The following GALNT17 variants were observed in gnomAD, a reference collection of about 807,000 sequenced individuals.
The protein encoded by GALNT17 is UDP-GalNAc:polypeptide N-acetylgalactosaminyltransferase-like 3.
A neutral mutation model predicts 63.7 loss-of-function variants in GALNT17; 29 were observed. The observed-to-expected ratio is 0.46, with a 90% CI of 0.34 to 0.62. The LOEUF (loss-of-function observed/expected upper bound fraction) is 0.62, where lower values mean the gene tolerates loss of function less well. Among genes scored for constraint, GALNT17 ranks in the 20% least tolerant of loss-of-function variants. GALNT17 has a pLI of 0.01. For missense variants in GALNT17, 603 were observed against 799.6 expected (o/e 0.75, Z 2.97); for synonymous variants, 305 against 318.3 (o/e 0.96, Z 0.45).
intron 1 of GALNT17, among the ~76,000 whole-genome samples, chr7:71,134,201 G>A (rs1787740141): frequency 6.6e-6 from 1 of 152,170 alleles, no homozygotes; most frequent in African/African-American, 2.4e-5. Flanking sequence ...ATAGAGTCTG[G>A]AGTCAGAACC....
At chr7:71,403,595 G>A (rs192516217) in intron 3 of GALNT17, among the ~76,000 whole-genome samples, 11 of 152,330 alleles carry the variant, frequency 7.2e-5, no homozygotes, top group African/African-American at 2.4e-4. Flanking sequence ...GACATTTCCT[G>A]TAAGCAGGCA....
chr7:71,207,285 C>T (rs1789290341), intron 1 of GALNT17, among the ~76,000 whole-genome samples: 1 of 152,152 alleles, frequency 6.6e-6, no homozygotes, highest in East Asian at 1.9e-4. Flanking sequence ...TCATCTTTGA[C>T]TTGTAAGTTT....
At chr7:71,674,491 G>A (rs1206669839) in intron 8 of GALNT17, among the ~76,000 whole-genome samples, 1 of 151,468 alleles carries the variant, frequency 6.6e-6, no homozygotes, top group Non-Finnish European at 1.5e-5. Flanking sequence ...TACCACAGGT[G>A]TGAGCCACTG....
At chr7:71,450,590 C>T (rs1409903864) in intron 5 of GALNT17, among the ~76,000 whole-genome samples, 1 of 152,178 alleles carries the variant, frequency 6.6e-6, no homozygotes, top group South Asian at 2.1e-4. Context: ...GTTTTTAGTA[C>T]GTTCACAGAG....
intron 1 of GALNT17, among the ~76,000 whole-genome samples, chr7:71,294,348 C>A (rs962080233): frequency 1.3e-5 from 2 of 150,116 alleles, no homozygotes; most frequent in African/African-American, 4.9e-5. Context: ...TTTTTGCTCT[C>A]TCTTCTTTCT....
At chr7:71,628,511 C>T (rs575763610) in intron 6 of GALNT17, among the ~76,000 whole-genome samples, 7 of 151,894 alleles carry the variant, frequency 4.6e-5, no homozygotes, top group African/African-American at 9.7e-5. Context: ...TTAGTAGAGA[C>T]GGGGTTTCAC....
chr7:71,569,311 G>A (rs1028372787), intron 5 of GALNT17, among the ~76,000 whole-genome samples: 2 of 152,028 alleles, frequency 1.3e-5, no homozygotes, highest in Non-Finnish European at 2.9e-5. Flanking sequence ...AGAGGTACAC[G>A]TGCAGATTTG....
At chr7:71,297,559 G>A (rs1275811130) in intron 1 of GALNT17, among the ~76,000 whole-genome samples, 2 of 119,632 alleles carry the variant, frequency 1.7e-5, no homozygotes, top group African/African-American at 2.7e-5. Flanking sequence ...GGCCCAGGAG[G>A]CAGAGGTTGC....
chr7:71,608,471 GAA>G (rs1412180098), intron 6 of GALNT17, among the ~76,000 whole-genome samples: 2 of 152,094 alleles, frequency 1.3e-5, no homozygotes, highest in African/African-American at 4.8e-5. Flanking sequence ...AAAATAAAAT[GAA>G]AAGTGTTACA....
At chr7:71,247,581 C>CGAGCAGG in intron 1 of GALNT17, among the ~76,000 whole-genome samples, 1 of 152,162 alleles carries the variant, frequency 6.6e-6, no homozygotes, top group Admixed American at 6.5e-5. Flanking sequence ...CTCAGCCTCC[C>CGAGCAGG]GAGCAGCTGG....
Position 71,710,799 on chromosome 7 carries a change from T to G in GALNT17, c.1539T>G (p.Gly513=). The change falls in exon 10 of 11, where the codon GGT becomes GGG. Residue 513 remains glycine (G), a synonymous_variant. Transcript: ENST00000333538. ...CCAAGGAAGGCTTCCTGCACTTGGG[T>G]GCCCTGGGGACCACCACACTCCTCC... is the stretch of plus-strand genomic sequence containing the variant. ...RYTKEGFLHL[G]ALGTTTLLPD... is the part of the protein sequence containing the mutation. 1.2e-6 allele frequency: 2 copies of G among 1,613,282 alleles called. No individual in the cohort carries two copies. Among genetic ancestry groups the G allele is most frequent in the Non-Finnish European group, 1.7e-6 (2 of 1,179,966 alleles).
chr7:71,695,201 T>G (rs1024246245), intron 9 of GALNT17, among the ~76,000 whole-genome samples: 55 of 152,150 alleles, frequency 3.6e-4, no homozygotes, highest in African/African-American at 1.3e-3. Flanking sequence ...AGGCCCCAGG[T>G]CTCTCCACAG....
chr7:71,394,445 G>A (rs1173172652), intron 3 of GALNT17, among the ~76,000 whole-genome samples: 1 of 152,092 alleles, frequency 6.6e-6, no homozygotes, highest in Admixed American at 6.6e-5. Context: ...TCTTAAACTG[G>A]GATCACTTGT....
intron 2 of GALNT17, among the ~76,000 whole-genome samples, chr7:71,369,374 T>C (rs1471205691): frequency 6.6e-6 from 1 of 152,220 alleles, no homozygotes; most frequent in Non-Finnish European, 1.5e-5. Flanking sequence ...TCCTGCCTCA[T>C]GTATCCACTA....
chr7:71,484,797 A>ATTTTTTT (rs386410414), intron 5 of GALNT17, among the ~76,000 whole-genome samples: 11 of 107,346 alleles, frequency 1.0e-4, no homozygotes, highest in Non-Finnish European at 1.4e-4. Flanking sequence ...CAGCATCAGG[A>ATTTTTTT]TTTTTTTTTT....
intron 6 of GALNT17, among the ~76,000 whole-genome samples, chr7:71,586,530 A>T (rs563775257): frequency 6.6e-6 from 1 of 152,306 alleles, no homozygotes; most frequent in South Asian, 2.1e-4. Context: ...GTAGATACCT[A>T]GGATTTGAAT....
At position 71,414,646 on chromosome 7, in the gene GALNT17, A is replaced by G. The variant is rs113504364; in HGVS notation, c.590-1243A>G. Among the ~76,000 whole-genome samples, 760 of 152,326 alleles carry G rather than the reference A, an allele frequency of 5.0e-3. 6 individuals carry two copies. The highest frequency in any genetic ancestry group is 0.017 in the African/African-American group (712 of 41,578). On this transcript the variant is annotated intron_variant, in intron 3 of 10. Transcript: ENST00000333538. ...GTGAGTGATGTAGCCAGGAGCTGAC[A>G]TCCTGTTCCTGGGAAGAGCCACGAC...
intron 1 of GALNT17, among the ~76,000 whole-genome samples, chr7:71,269,748 A>G (rs1210269059): frequency 1.3e-5 from 2 of 152,174 alleles, no homozygotes; most frequent in Non-Finnish European, 2.9e-5. Flanking sequence ...TTTTCCTCTT[A>G]TAACTGAAAG....
At chr7:71,705,884 T>C (rs1791716094) in intron 9 of GALNT17, among the ~76,000 whole-genome samples, 1 of 152,046 alleles carries the variant, frequency 6.6e-6, no homozygotes, top group South Asian at 2.1e-4. Flanking sequence ...CAGGAAAGCC[T>C]ACTGAACGTG....
Sources: gnomAD v4.1 joint callset for allele counts (sites outside exome capture counted in the v4.1 genomes callset) on GRCh38, gnomAD v4.1.1 for gene constraint, MANE v1.5 for transcripts, NCBI Gene and HGNC (gene_info 2026-07-23, HGNC 2026-07-21) for gene names.